Variants in CDH13 observed in about 807,000 individuals in gnomAD.
CDH13 encodes the protein cadherin 13, also known as cadherin-13.
CDH13 carries 24 observed loss-of-function variants against 63.8 expected under a neutral mutation model. The ratio of observed to expected loss-of-function variants is 0.38; its 90% CI spans 0.27 to 0.53. The LOEUF (loss-of-function observed/expected upper bound fraction) is 0.53, where lower values mean the gene tolerates loss of function less well. CDH13 is among the 20% of genes least tolerant of loss of function. The probability of loss-of-function intolerance (pLI) is 0.85; values close to 1 mark genes in which losing one functional copy is unlikely to be tolerated. For missense variants in CDH13, 1,049 were observed against 903.1 expected (o/e 1.16, Z -2.07); for synonymous variants, 503 against 355.3 (o/e 1.42, Z -4.67).
intron 3 of CDH13, among the ~76,000 whole-genome samples, chr16:83,121,219 TCTTA>T (rs1261146482): frequency 6.6e-6 from 1 of 152,222 alleles, no homozygotes; most frequent in Non-Finnish European, 1.5e-5. Context: ...CTAAAGTGTC[TCTTA>T]CTTAGTCTCT....
At position 83,551,770 on chromosome 16, in the gene CDH13, C is replaced by T. The variant is rs911924606; in HGVS notation, c.961-50684C>T. Among the ~76,000 whole-genome samples, 3 of 152,090 alleles carry T rather than the reference C, an allele frequency of 2.0e-5. No homozygotes were observed. In the South Asian group the frequency reaches 6.2e-4, roughly 32 times the overall value. On this transcript the variant is annotated intron_variant, in intron 7 of 13. Transcript: ENST00000567109. Reference sequence around the variant, plus strand: ...TTTCATCACTTTGTACTTGAATTGTCAATTTGTCTACCCATCTCACCTGCT... The same window carrying T: ...TTTCATCACTTTGTACTTGAATTGTTAATTTGTCTACCCATCTCACCTGCT...
intron 5 of CDH13, among the ~76,000 whole-genome samples, chr16:83,306,255 G>T (rs183108998): frequency 6.6e-6 from 1 of 152,292 alleles, no homozygotes; most frequent in Non-Finnish European, 1.5e-5. Context: ...GTTTGGAGGT[G>T]GTTTGTTCTG....
At chr16:83,161,723 C>T (rs986754832) in intron 4 of CDH13, among the ~76,000 whole-genome samples, 2 of 152,126 alleles carry the variant, frequency 1.3e-5, no homozygotes, top group African/African-American at 4.8e-5. Flanking sequence ...ACATTCTTGT[C>T]TTACCCATCC....
chr16:83,226,936 T>A (rs551411136), intron 5 of CDH13, among the ~76,000 whole-genome samples: 1 of 152,210 alleles, frequency 6.6e-6, no homozygotes, highest in African/African-American at 2.4e-5. Context: ...TATTTTTATT[T>A]GGTAAAAATG....
intron 2 of CDH13, among the ~76,000 whole-genome samples, chr16:82,888,827 A>G (rs963797350): frequency 1.3e-5 from 2 of 152,226 alleles, no homozygotes; most frequent in African/African-American, 4.8e-5. Context: ...TCTGTCTTCT[A>G]GATGCAATTG....
chr16:83,193,311 G>C (rs2038780478), intron 4 of CDH13, among the ~76,000 whole-genome samples: 1 of 152,222 alleles, frequency 6.6e-6, no homozygotes, highest in African/African-American at 2.4e-5. Flanking sequence ...GGAGGGAGCT[G>C]AGGGCTAGAG....
At chr16:83,251,053 C>G (rs1039980555) in intron 5 of CDH13, among the ~76,000 whole-genome samples, 2 of 152,028 alleles carry the variant, frequency 1.3e-5, no homozygotes, top group Non-Finnish European at 2.9e-5. Flanking sequence ...TATATTCAGC[C>G]ATGGCTGACT....
chr16:83,686,821 G>C (rs1904348915), intron 10 of CDH13, among the ~76,000 whole-genome samples: 1 of 152,182 alleles, frequency 6.6e-6, no homozygotes, highest in Non-Finnish European at 1.5e-5. Context: ...CCAGCATAAG[G>C]ACTGGTGCAT....
At chr16:83,325,926 C>G (rs77161840) in intron 5 of CDH13, among the ~76,000 whole-genome samples, 10,915 of 152,226 alleles carry the variant, frequency 0.072, 508 homozygotes, top group Middle Eastern at 0.13. Context: ...GTCCCTTCTT[C>G]TCATCCAGCA....
At chr16:83,119,217 C>T (rs1597370446) in intron 3 of CDH13, among the ~76,000 whole-genome samples, 2 of 152,306 alleles carry the variant, frequency 1.3e-5, no homozygotes, top group South Asian at 2.1e-4. Context: ...ACTAAACTTT[C>T]TGTGGCCTTT....
At chr16:82,860,229 A>G (rs1216421247) in intron 2 of CDH13, among the ~76,000 whole-genome samples, 1 of 152,130 alleles carries the variant, frequency 6.6e-6, no homozygotes, top group Non-Finnish European at 1.5e-5. Context: ...TGGTATGCAA[A>G]GTAGACCTAT....
intron 10 of CDH13, among the ~76,000 whole-genome samples, chr16:83,704,955 C>T (rs560952704): frequency 6.6e-6 from 1 of 152,198 alleles, no homozygotes; most frequent in African/African-American, 2.4e-5. Flanking sequence ...ACTTTTGTTT[C>T]CAATCATTTA....
chr16:83,345,795 GA>G (rs1170661493), intron 6 of CDH13, among the ~76,000 whole-genome samples: 1 of 151,634 alleles, frequency 6.6e-6, no homozygotes, highest in Admixed American at 6.6e-5. Flanking sequence ...ACACTTGAGT[GA>G]AAAAAAACAC....
At chr16:83,050,756 C>G (rs961524097) in intron 3 of CDH13, among the ~76,000 whole-genome samples, 1 of 152,132 alleles carries the variant, frequency 6.6e-6, no homozygotes, top group Admixed American at 6.5e-5. Context: ...TTTCTGAACG[C>G]TCATACTGGG....
chr16:83,681,505 C>T lies in CDH13; in HGVS notation c.1538+3044C>T, dbSNP rs187769716. Among the ~76,000 whole-genome samples the T allele has an allele frequency of 3.4e-3, 520 of 152,286 alleles. 7 individuals carry two copies. The highest frequency in any genetic ancestry group is 0.012 in the African/African-American group (494 of 41,566). Reference sequence around the variant, plus strand: ...CTGCTGGGAGCCACAGCGGCCCACACGTGACTCTTTCTCAGCCTGGCACTG... The same window carrying T: ...CTGCTGGGAGCCACAGCGGCCCACATGTGACTCTTTCTCAGCCTGGCACTG... On this transcript the variant is annotated intron_variant, in intron 10 of 13. Transcript: ENST00000567109.
At chr16:83,175,744 A>G (rs1042164101) in intron 4 of CDH13, among the ~76,000 whole-genome samples, 6 of 151,758 alleles carry the variant, frequency 4.0e-5, no homozygotes, top group African/African-American at 1.2e-4. Flanking sequence ...ATAGATCTCT[A>G]TACCTTCCTT....
intron 6 of CDH13, among the ~76,000 whole-genome samples, chr16:83,381,480 C>A (rs751155657): frequency 5.9e-5 from 9 of 152,028 alleles, no homozygotes; most frequent in Non-Finnish European, 1.0e-4. Flanking sequence ...TCAGCAAGAA[C>A]CCTCAAAGCC....
At chr16:83,103,734 A>C (rs8060436) in intron 3 of CDH13, among the ~76,000 whole-genome samples, 34,204 of 152,148 alleles carry the variant, frequency 0.22, 4,385 homozygotes, top group African/African-American at 0.33. Flanking sequence ...AGTATGGGAT[A>C]CATCACAGAA....
chr16:83,348,520 C>G (rs769067676), intron 6 of CDH13, among the ~76,000 whole-genome samples: 1 of 152,222 alleles, frequency 6.6e-6, no homozygotes, highest in Non-Finnish European at 1.5e-5. Context: ...GGGTCCCATG[C>G]TCAGAAGGGC....
Sources: allele counts gnomAD v4.1 joint callset (sites outside exome capture counted in the v4.1 genomes callset), GRCh38; gene constraint gnomAD v4.1.1; transcripts MANE v1.5; gene names NCBI Gene and HGNC (gene_info 2026-07-23, HGNC 2026-07-21).